Variants in JPH2 observed in about 807,000 individuals in gnomAD.
The protein encoded by JPH2 is junctophilin-2.
Under a neutral mutation model 55.9 loss-of-function variants are expected in JPH2, and 38 were observed. That is an observed-to-expected ratio of 0.68 (90% CI 0.52 to 0.89). The LOEUF (loss-of-function observed/expected upper bound fraction) is 0.89, where lower values mean the gene tolerates loss of function less well. Among genes scored for constraint, JPH2 ranks in the 40% least tolerant of loss-of-function variants. The probability of loss-of-function intolerance (pLI) is 0.00; values close to 1 mark genes in which losing one functional copy is unlikely to be tolerated. For missense variants in JPH2, 964 were observed against 1,037.6 expected, an observed-to-expected ratio of 0.93 and a Z score of 0.97; for synonymous variants, 480 against 472.4, an observed-to-expected ratio of 1.02 and a Z score of -0.21.
chr20:44,147,890 T>TG (rs1337323661), intron 2 of JPH2, among the ~76,000 whole-genome samples: 1 of 152,172 alleles, frequency 6.6e-6, no homozygotes, highest in Non-Finnish European at 1.5e-5. Context: ...GGGCCGGGCA[T>TG]GGTGGCTCAT....
Position 44,159,779 on chromosome 20 carries a change from G to A in JPH2, c.1008C>T (p.Arg336=), listed in dbSNP as rs1442222987. ...CGTTGTGGCGGTACTTGCCCTCCTC[G>A]CGGTGGCCGTCGGGCAGCGTGGTGC... ...YGCTTLPDGH[R]EEGKYRHNVL... The change falls in exon 2 of 6, where the codon CGC becomes CGT. Residue 336 remains arginine, a synonymous_variant. Coordinates refer to ENST00000372980, the MANE Select transcript of JPH2 (RefSeq NM_020433.5). This position sits in a 1 kb window ranked among gnomAD's most constrained non-coding sequence, Gnocchi z 5.7. 6.2e-7 allele frequency: 1 copy of A among 1,613,298 alleles called. No individual in the cohort carries two copies.
chr20:44,173,745 C>T (rs182533973), intron 1 of JPH2, among the ~76,000 whole-genome samples: 4 of 152,266 alleles, frequency 2.6e-5, no homozygotes, highest in African/African-American at 7.2e-5. Flanking sequence ...AAAATCCTGT[C>T]TCTACTAAAA....
chr20:44,171,159 T>A (rs567046412), intron 1 of JPH2, among the ~76,000 whole-genome samples: 20 of 152,256 alleles, frequency 1.3e-4, no homozygotes, highest in African/African-American at 4.8e-4. Context: ...GAAGCTGAGA[T>A]GATGTGTGGG....
chr20:44,155,590 A>C (rs994917252), intron 2 of JPH2, among the ~76,000 whole-genome samples: 8 of 152,154 alleles, frequency 5.3e-5, no homozygotes, highest in Admixed American at 3.3e-4. Flanking sequence ...CAAAGGATGG[A>C]GCGGGAAAAG....
intron 1 of JPH2, among the ~76,000 whole-genome samples, chr20:44,172,947 T>G (rs565681513): frequency 1.3e-5 from 2 of 152,120 alleles, no homozygotes; most frequent in African/African-American, 4.8e-5. Context: ...ATAAAACTTA[T>G]GACAGTGAAA....
At chr20:44,131,169 C>T (rs1277903831) in intron 2 of JPH2, among the ~76,000 whole-genome samples, 2 of 152,202 alleles carry the variant, frequency 1.3e-5, no homozygotes, top group East Asian at 3.8e-4. Context: ...GATGTCACTT[C>T]CATGATTCGT....
At chr20:44,172,847 A>G (rs181022845) in intron 1 of JPH2, among the ~76,000 whole-genome samples, 1 of 152,308 alleles carries the variant, frequency 6.6e-6, no homozygotes, top group East Asian at 1.9e-4. Flanking sequence ...CCACACAGCC[A>G]TAGACAACCT....
intron 2 of JPH2, among the ~76,000 whole-genome samples, chr20:44,132,348 A>G (rs905325422): frequency 1.8e-4 from 13 of 72,908 alleles, no homozygotes; most frequent in Admixed American, 1.0e-3. Flanking sequence ...AGGGAGGCAG[A>G]CAGACAGACA....
chr20:44,173,620 A>G (rs924095154), intron 1 of JPH2, among the ~76,000 whole-genome samples: 1 of 152,208 alleles, frequency 6.6e-6, no homozygotes, highest in Non-Finnish European at 1.5e-5. Context: ...TTATCCATAC[A>G]ACAAACAAAC....
At position 44,115,871 on chromosome 20, in the gene JPH2, C is replaced by T. The variant is rs1299492079; in HGVS notation, c.1804G>A (p.Ala602Thr). ...CGGAGCGTGGGGGCCTGCAGCGGGG[C>T]GGTGGCCGGGGACGAGGGCGCGGAC... is the stretch of plus-strand genomic sequence containing the variant. ...SESAPSSPAT[A>T]PLQAPTLRGP... Residue 602 changes from alanine to threonine, a missense_variant, in exon 4 of 6, where the codon GCC becomes ACC. Ala to Thr is a moderately conservative substitution (Grantham distance 58). Transcript: ENST00000372980. 5 of 1,583,922 alleles carry T rather than the reference C, an allele frequency of 3.2e-6. No individual in the cohort carries two copies. Among genetic ancestry groups the T allele is most frequent in the Middle Eastern group, 3.5e-4 (2 of 5,742 alleles).
At chr20:44,135,020 G>C (rs758981987) in intron 2 of JPH2, among the ~76,000 whole-genome samples, 7 of 147,642 alleles carry the variant, frequency 4.7e-5, no homozygotes, top group Admixed American at 2.1e-4. Flanking sequence ...AAGAGGGGTA[G>C]GGGGGATGCC....
chr20:44,132,460 T>G (rs2072328749), intron 2 of JPH2, among the ~76,000 whole-genome samples: 1 of 147,622 alleles, frequency 6.8e-6, no homozygotes, highest in Non-Finnish European at 1.5e-5. Context: ...CCCCATCCAT[T>G]CCCTACCCAG....
chr20:44,162,241 A>G (rs147825710), intron 1 of JPH2, among the ~76,000 whole-genome samples: 1 of 152,310 alleles, frequency 6.6e-6, no homozygotes, highest in African/African-American at 2.4e-5. Context: ...ACAACCAAGG[A>G]TGGGACTCCT....
At position 44,109,701 on chromosome 20, in the gene JPH2, T is replaced by G. The variant is rs918029069; in HGVS notation, c.*3817A>C. Among the ~76,000 whole-genome samples the G allele has an allele frequency of 2.0e-5, 3 of 152,242 alleles. No individual in the cohort carries two copies. Among genetic ancestry groups the G allele is most frequent in the Non-Finnish European group, 4.4e-5 (3 of 68,036 alleles). On this transcript the variant is annotated 3_prime_UTR_variant, in exon 6 of 6. Coordinates refer to ENST00000372980, the MANE Select transcript of JPH2 (RefSeq NM_020433.5). ...TATGTTTTACAGTTTAGGTATTATT[T>G]GTATTCTGAGTCACTTATTTGGGGG...
intron 1 of JPH2, among the ~76,000 whole-genome samples, chr20:44,179,936 C>T (rs969446908): frequency 1.3e-5 from 2 of 152,202 alleles, no homozygotes; most frequent in African/African-American, 4.8e-5. Flanking sequence ...AACAATACAA[C>T]AGGCTGGGTG....
chr20:44,162,036 T>C (rs1384756792), intron 1 of JPH2, among the ~76,000 whole-genome samples: 1 of 152,246 alleles, frequency 6.6e-6, no homozygotes, highest in African/African-American at 2.4e-5. Flanking sequence ...GCAGTGCTGC[T>C]GAAAGGCAGT....
In JPH2 at chr20:44,107,219, A is replaced by G. The variant is rs929121690; in HGVS notation, c.*6299T>C. Among the ~76,000 whole-genome samples the G allele has an allele frequency of 6.6e-6, 1 of 152,032 alleles. No homozygotes were observed. The highest frequency in any genetic ancestry group is 1.5e-5 in the Non-Finnish European group (1 of 68,012). ...AGCCCCAACCCATCCCCACTCCCCA[A>G]CCATACTGCCTCTTATGGCCACCAT... On this transcript the variant is annotated 3_prime_UTR_variant, in exon 6 of 6. Transcript: ENST00000372980.
intron 1 of JPH2, among the ~76,000 whole-genome samples, chr20:44,166,722 G>C (rs185137374): frequency 1.3e-5 from 2 of 152,316 alleles, no homozygotes; most frequent in Non-Finnish European, 2.9e-5. Flanking sequence ...TCCAAGACAG[G>C]ACAGTTCTCC....
At chr20:44,152,416 C>A (rs2072537646) in intron 2 of JPH2, among the ~76,000 whole-genome samples, 1 of 152,162 alleles carries the variant, frequency 6.6e-6, no homozygotes, top group African/African-American at 2.4e-5. Context: ...TAGCTCACAT[C>A]TGTAATCCCA....
Sources: allele counts gnomAD v4.1 joint callset (sites outside exome capture counted in the v4.1 genomes callset), GRCh38; gene constraint gnomAD v4.1.1; non-coding constraint Gnocchi (gnomAD v3.1); transcripts MANE v1.5; gene names NCBI Gene and HGNC (gene_info 2026-07-23, HGNC 2026-07-21).